GPHN: variants seen among roughly 807,000 people sequenced by gnomAD.
GPHN encodes the protein gephyrin.
Under a neutral mutation model 95.5 loss-of-function variants are expected in GPHN, and 17 were observed. The observed-to-expected ratio is 0.18, with a 90% confidence interval of 0.12 to 0.27. The LOEUF is 0.27. Ranked by LOEUF, GPHN falls within the 10% of genes least tolerant of loss-of-function variation. GPHN has a pLI of 1.00. For missense variants in GPHN, 660 were observed against 978.1 expected (o/e 0.67, Z 4.34); for synonymous variants, 320 against 322.5 (o/e 0.99, Z 0.08).
At chr14:66,625,952 A>G (rs891239480) in intron 1 of GPHN, among the ~76,000 whole-genome samples, 1 of 152,162 alleles carries the variant, frequency 6.6e-6, no homozygotes, top group Non-Finnish European at 1.5e-5. Context: ...AGGTATCCAG[A>G]GGTACTCATA....
At chr14:66,975,660 A>G (rs2070161573) in intron 9 of GPHN, among the ~76,000 whole-genome samples, 1 of 151,928 alleles carries the variant, frequency 6.6e-6, no homozygotes, top group Non-Finnish European at 1.5e-5. Context: ...AGGGAGGATC[A>G]CTGAAGCCCA....
chr14:67,224,082 A>G, the GPHN span: 1 of 810,012 alleles, frequency 1.2e-6, no homozygotes, highest in Non-Finnish European at 1.5e-6. Context: ...CATGATCTCA[A>G]ATTCATCTCT....
the GPHN span, among the ~76,000 whole-genome samples, chr14:67,292,115 A>G: frequency 6.6e-6 from 1 of 152,234 alleles, no homozygotes; most frequent in Admixed American, 6.5e-5. Context: ...GAATCATTAA[A>G]TATTTAAAAA....
In GPHN at chr14:66,848,821, G is replaced by A. The variant is rs146375960; in HGVS notation, c.294+24255G>A. Among the ~76,000 whole-genome samples the A allele has an allele frequency of 3.5e-3, 531 of 151,862 alleles. 2 individuals are homozygous for A. The highest frequency in any genetic ancestry group is 0.01 in the Middle Eastern group (3 of 294). On this transcript the variant is annotated intron_variant, in intron 4 of 22. Transcript: ENST00000478722. ...GGAAAATATAGCAAAGCAAAATGAA[G>A]TTAATAAAAACACCAATAATCTGAA... is the stretch of plus-strand genomic sequence containing the variant.
intron 1 of GPHN, among the ~76,000 whole-genome samples, chr14:66,601,808 T>A (rs1478086214): frequency 6.6e-6 from 1 of 151,926 alleles, no homozygotes; most frequent in Non-Finnish European, 1.5e-5. Context: ...ATACAAAGAT[T>A]TTCCCCCATA....
chr14:66,577,694 A>T (rs1555349277), intron 1 of GPHN, among the ~76,000 whole-genome samples: 2 of 151,926 alleles, frequency 1.3e-5, no homozygotes. Context: ...TGTTTTAGAG[A>T]CTGATTTTTC....
Position 66,637,841 on chromosome 14 carries a change from G to C in GPHN, c.65-43266G>C, listed in dbSNP as rs560112439. Among the ~76,000 whole-genome samples the C allele has an allele frequency of 9.2e-5, 14 of 152,156 alleles. No homozygotes were observed. The South Asian group carries it at 2.9e-3, about 32-fold the overall frequency. On this transcript the variant is annotated intron_variant, in intron 1 of 22. Transcript: ENST00000478722. ...CTGACAAAAATCTTAGAAAGTCAGT[G>C]GCCTTTAACCCTCAGTACAACACCA...
chr14:67,579,214 C>A, the GPHN span: 1 of 1,611,618 alleles, frequency 6.2e-7, no homozygotes. Context: ...GAAGCCAGGC[C>A]ATCGCGCATG....
chr14:67,571,883 C>T, the GPHN span: 4 of 1,611,236 alleles, frequency 2.5e-6, no homozygotes, highest in South Asian at 3.3e-5. Flanking sequence ...GACTAGGCAG[C>T]CCCCGGGCCA....
chr14:67,622,133 A>G, the GPHN span, among the ~76,000 whole-genome samples: 1 of 152,194 alleles, frequency 6.6e-6, no homozygotes. Flanking sequence ...GTTCTTCTTT[A>G]TATCCAATCT....
chr14:67,222,795 C>CA, the GPHN span, among the ~76,000 whole-genome samples: 2 of 151,900 alleles, frequency 1.3e-5, no homozygotes, highest in Non-Finnish European at 2.9e-5. Flanking sequence ...GCCTCAGCTT[C>CA]AGTCATGCAC....
chr14:67,357,329 T>G, the GPHN span, among the ~76,000 whole-genome samples: 2 of 152,260 alleles, frequency 1.3e-5, no homozygotes, highest in East Asian at 3.8e-4. Flanking sequence ...TCAAAAAGTT[T>G]GACCTTTAGC....
At chr14:67,695,731 G>A in the GPHN span, 12 of 1,610,202 alleles carry the variant, frequency 7.5e-6, no homozygotes, top group Middle Eastern at 3.3e-4. Context: ...GCACCAGAGC[G>A]GGATGCTCCA....
At chr14:67,596,954 A>G in the GPHN span, among the ~76,000 whole-genome samples, 19 of 152,262 alleles carry the variant, frequency 1.2e-4, no homozygotes, top group African/African-American at 2.9e-4. Context: ...TACCACTTCA[A>G]CTACTCACTA....
At chr14:67,323,239 G>A in the GPHN span, among the ~76,000 whole-genome samples, 42 of 134,366 alleles carry the variant, frequency 3.1e-4, no homozygotes, top group Middle Eastern at 3.6e-3. Context: ...ACACGTGTGT[G>A]TGTGTGTGTG....
the GPHN span, among the ~76,000 whole-genome samples, chr14:67,431,195 C>CT: frequency 6.6e-6 from 1 of 151,900 alleles, no homozygotes; most frequent in Non-Finnish European, 1.5e-5. Context: ...GAGTTCGAGA[C>CT]CAGCCTGACC....
chr14:67,162,122 T>C (rs2082015778), intron 19 of GPHN, among the ~76,000 whole-genome samples: 1 of 152,226 alleles, frequency 6.6e-6, no homozygotes, highest in African/African-American at 2.4e-5. Flanking sequence ...ATGATAGCCA[T>C]GCATAATAAC....
intron 16 of GPHN, among the ~76,000 whole-genome samples, chr14:67,121,996 C>T (rs1254209822): frequency 6.6e-6 from 1 of 152,110 alleles, no homozygotes; most frequent in Non-Finnish European, 1.5e-5. Flanking sequence ...CAAATTGGAG[C>T]CCAACCTGGT....
At chr14:67,293,957 G>A in the GPHN span, among the ~76,000 whole-genome samples, 1 of 152,026 alleles carries the variant, frequency 6.6e-6, no homozygotes, top group Admixed American at 6.6e-5. Context: ...ACAATAGAAA[G>A]GTGGAAAGAA....
Sources: gnomAD v4.1 joint callset for allele counts (sites outside exome capture counted in the v4.1 genomes callset) on GRCh38, gnomAD v4.1.1 for gene constraint, MANE v1.5 for transcripts, NCBI Gene and HGNC (gene_info 2026-07-23, HGNC 2026-07-21) for gene names.